MAG: variants seen among roughly 807,000 people sequenced by gnomAD.
MAG encodes myelin-associated glycoprotein.
MAG carries 30 observed loss-of-function variants against 60.7 expected under a neutral mutation model. The observed-to-expected ratio is 0.49, with a 90% CI of 0.37 to 0.67. The LOEUF (loss-of-function observed/expected upper bound fraction) is 0.67. Ranked by LOEUF, MAG falls within the 30% of genes least tolerant of loss-of-function variation. The probability of loss-of-function intolerance (pLI) is 0.00; values close to 1 mark genes in which losing one functional copy is unlikely to be tolerated. For missense variants in MAG, 795 were observed against 851.7 expected (o/e 0.93, Z 0.83); for synonymous variants, 384 against 376.8 (o/e 1.02, Z -0.22).
chr19:35,310,630 C>G lies in MAG; in HGVS notation c.1603C>G (p.Gln535Glu), dbSNP rs776901974. ...ILIAIVCYITQTRRKKNVTES... is the reference protein window; with the variant it reads ...ILIAIVCYITETRRKKNVTES... ...GATTGCCATCGTCTGCTACATTACC[C>G]AGACACGCAGGAAGTGAGTGCCAGC... The change falls in exon 9 of 11, where the codon CAG (glutamine) becomes GAG (glutamate). Residue 535 changes from glutamine to glutamate, a missense_variant. Physicochemically the swap from Gln to Glu is conservative, Grantham distance 29. Transcript: ENST00000392213. 5.6e-6 allele frequency: 9 copies of G among 1,613,936 alleles called. No homozygotes were observed. The Admixed American group carries it at 1.5e-4, about 27-fold the overall frequency.
chr19:35,295,774 C>A lies in MAG; in HGVS notation c.208C>A (p.Pro70Thr). Reference protein sequence around the residue: ...YFNSPYPKNYPPVVFKSRTQV... With the variant: ...YFNSPYPKNYTPVVFKSRTQV... ...CAATAGCCCCTACCCCAAGAACTAC[C>A]CCCCGGTGGTCTTCAAGTCGCGCAC... Residue 70 changes from proline (P) to threonine (T), a missense_variant, in exon 4 of 11, where the codon CCC becomes ACC. Physicochemically the swap from Pro to Thr is conservative, Grantham distance 38. Coordinates refer to ENST00000392213, the MANE Select transcript of MAG (RefSeq NM_002361.4). This position sits in a 1 kb window ranked among gnomAD's most constrained non-coding sequence, Gnocchi z 5.8. The A allele has an allele frequency of 6.2e-7, 1 of 1,613,960 alleles. No homozygotes were observed. Among genetic ancestry groups the A allele is most frequent in the Non-Finnish European group, 8.5e-7 (1 of 1,180,010 alleles).
intron 8 of MAG, among the ~76,000 whole-genome samples, 191 bp from the exon 9 acceptor site, chr19:35,310,356 G>A (rs1207225513): frequency 6.6e-6 from 1 of 152,222 alleles, no homozygotes; most frequent in African/African-American, 2.4e-5. Context: ...TGAGGCATGA[G>A]CCCCTCCCCA....
chr19:35,295,841 T>TG lies in MAG; in HGVS notation c.280dup (p.Asp94GlyfsTer78), dbSNP rs1055024923. 1.2e-6 allele frequency: 2 copies of TG among 1,613,876 alleles called. No homozygotes were observed. The highest frequency in any genetic ancestry group is 1.3e-5 in the African/African-American group (1 of 74,920). Reference sequence around the variant, plus strand: ...AGCTTCCAGGGCCGCAGCCGCCTCCTGGGGGACCTGGGCCTGCGAAACTGC... The same window carrying TG: ...AGCTTCCAGGGCCGCAGCCGCCTCCTGGGGGGACCTGGGCCTGCGAAACTGC... On this transcript the variant is annotated frameshift_variant, in exon 4 of 11. Coordinates refer to ENST00000392213, the MANE Select transcript of MAG (RefSeq NM_002361.4). LOFTEE classifies it high-confidence loss of function. This position sits in a 1 kb window ranked among gnomAD's most constrained non-coding sequence, Gnocchi z 5.8.
At chr19:35,299,897 G>A (rs2066434175) in intron 5 of MAG, 47 bp downstream of exon 5, 3 of 433,698 alleles carry the variant, frequency 6.9e-6, no homozygotes, top group Non-Finnish European at 1.1e-5. Flanking sequence ...GTGGGGCGGG[G>A]TCCGGGGAGG....
In MAG at chr19:35,295,744, T is replaced by C. The variant is rs1335278400; in HGVS notation, c.178T>C (p.Tyr60His). The C allele has an allele frequency of 6.2e-7, 1 of 1,613,910 alleles. No homozygotes were observed. The change falls in exon 4 of 11, where the codon TAC becomes CAC. Residue 60 changes from tyrosine to histidine, a missense_variant. Tyr to His is a moderately conservative substitution (Grantham distance 83). Transcript: ENST00000392213. The surrounding 1 kb of genome is among the most constrained non-coding windows in gnomAD (Gnocchi z 5.8). The stretch of plus-strand genomic sequence containing the variant: ...GCCCGCTGTGGTGCATGGTGTCTGG[T>C]ACTTCAATAGCCCCTACCCCAAGAA... ...LRPAVVHGVW[Y>H]FNSPYPKNYP...
At position 35,310,028 on chromosome 19, in the gene MAG, C is replaced by T. The variant is rs771734480; in HGVS notation, c.1386C>T (p.Tyr462=). 29 of 1,613,826 alleles carry T rather than the reference C, an allele frequency of 1.8e-5. No individual in the cohort carries two copies. The East Asian group carries it at 2.2e-4, about 12-fold the overall frequency. ...TVNESEREFV[Y]SERSGLVLTS... The stretch of plus-strand genomic sequence containing the variant: ...ACGAGAGCGAGCGGGAGTTCGTGTA[C>T]TCGGAGCGCAGCGGCCTCGTGCTCA... Residue 462 remains tyrosine (Y), a synonymous_variant, in exon 8 of 11, where the codon TAC becomes TAT. Transcript: ENST00000392213.
rs746011683 is a variant in MAG at position 35,299,747 on chromosome 19, C to G, written c.609C>G (p.His203Gln). 11 of 1,558,598 alleles carry G rather than the reference C, an allele frequency of 7.1e-6. No homozygotes were observed. Among genetic ancestry groups the G allele is most frequent in the Non-Finnish European group, 9.5e-6 (11 of 1,154,302 alleles). The change falls in exon 5 of 11, where the codon CAC (histidine) becomes CAG (glutamine). Residue 203 changes from histidine to glutamine, a missense_variant. His to Gln is a conservative substitution (Grantham distance 24). Coordinates refer to ENST00000392213, the MANE Select transcript of MAG (RefSeq NM_002361.4). Reference protein sequence around the residue: ...EGTWVQVSLLHFVPTREANGH... With the variant: ...EGTWVQVSLLQFVPTREANGH... ...CCTGGGTGCAGGTGTCACTGCTGCA[C>G]TTCGTGCCCACGAGGGAGGCCAACG...
At chr19:35,305,253 C>A (rs1326537362) in intron 7 of MAG, among the ~76,000 whole-genome samples, 1 of 152,142 alleles carries the variant, frequency 6.6e-6, no homozygotes, top group East Asian at 1.9e-4. Context: ...GTCAATGTTC[C>A]CTGGCACCAG....
chr19:35,300,031 G>T, intron 5 of MAG, 116 bp from the exon 6 acceptor site: 2 of 1,379,834 alleles, frequency 1.4e-6, no homozygotes, highest in East Asian at 2.6e-5. Context: ...GTCCTGGGGC[G>T]GGGCCAAGGC....
At chr19:35,300,467 C>T (rs955057710) in intron 6 of MAG, 63 bp downstream of exon 6, 20 of 1,501,844 alleles carry the variant, frequency 1.3e-5, no homozygotes, top group Admixed American at 6.1e-5. Context: ...GGGAAAGGGG[C>T]CTCATCCAGG....
intron 4 of MAG, among the ~76,000 whole-genome samples, chr19:35,296,201 G>T (rs897154963): frequency 6.6e-6 from 1 of 152,238 alleles, no homozygotes; most frequent in Non-Finnish European, 1.5e-5. Flanking sequence ...CCCTCAGGGG[G>T]AAACAGGTGC....
At chr19:35,305,954 G>C (rs8106733) in intron 7 of MAG, among the ~76,000 whole-genome samples, 9,887 of 39,864 alleles carry the variant, frequency 0.25, 531 homozygotes, top group African/African-American at 0.41. Flanking sequence ...GACTGTCCCA[G>C]CCCCCCACTC....
Position 35,295,783 on chromosome 19 carries a change from G to A in MAG, c.217G>A (p.Val73Ile). ...CTACCCCAAGAACTACCCCCCGGTG[G>A]TCTTCAAGTCGCGCACCCAAGTAGT... Reference protein sequence around the residue: ...SPYPKNYPPVVFKSRTQVVHE... With the variant: ...SPYPKNYPPVIFKSRTQVVHE... The change falls in exon 4 of 11, where the codon GTC (valine) becomes ATC (isoleucine). Residue 73 changes from valine to isoleucine, a missense_variant. Physicochemically the swap from Val to Ile is conservative, Grantham distance 29. Coordinates refer to ENST00000392213, the MANE Select transcript of MAG (RefSeq NM_002361.4). This position sits in a 1 kb window ranked among gnomAD's most constrained non-coding sequence, Gnocchi z 5.8. 6.2e-7 allele frequency: 1 copy of A among 1,614,006 alleles called. No homozygotes were observed. Among genetic ancestry groups the A allele is most frequent in the Middle Eastern group, 1.6e-4 (1 of 6,062 alleles).
chr19:35,312,153 T>C (rs2066532838), intron 10 of MAG, 136 bp downstream of exon 10: 1 of 1,247,914 alleles, frequency 8.0e-7, no homozygotes, highest in Non-Finnish European at 1.2e-6. Flanking sequence ...ATTCCAGGGC[T>C]GGGTTGGACC....
intron 7 of MAG, among the ~76,000 whole-genome samples, chr19:35,304,164 G>C (rs568525976): frequency 7.4e-4 from 113 of 152,286 alleles, no homozygotes; most frequent in Middle Eastern, 6.8e-3. Flanking sequence ...TCCCTCTCCT[G>C]CTGACCTATA....
intron 2 of MAG, among the ~76,000 whole-genome samples, chr19:35,294,657 T>C (rs2066382580): frequency 6.6e-6 from 1 of 152,138 alleles, no homozygotes; most frequent in Non-Finnish European, 1.5e-5. Context: ...GGCTCATGCC[T>C]GTAATCCCAA....
chr19:35,293,362 G>A lies in MAG; in HGVS notation c.-79-873G>A, dbSNP rs938573760. On this transcript the variant is annotated intron_variant, in intron 1 of 10. Transcript: ENST00000392213. This position sits in a 1 kb window ranked among gnomAD's most constrained non-coding sequence, Gnocchi z 4.0. ...ACAGCAGCAGAGGCATTGCATGCAC[G>A]CCTTGGGAACTATGTGAGTGCCAGC... Among the ~76,000 whole-genome samples, 8 of 151,972 alleles carry A rather than the reference G, an allele frequency of 5.3e-5. No homozygotes were observed. The highest frequency in any genetic ancestry group is 1.4e-4 in the African/African-American group (6 of 41,432).
In MAG at chr19:35,295,891, C is replaced by A. The variant is rs746889149; in HGVS notation, c.325C>A (p.Pro109Thr). Residue 109 changes from proline to threonine, a missense_variant, in exon 4 of 11, where the codon CCC becomes ACC. Coordinates refer to ENST00000392213, the MANE Select transcript of MAG (RefSeq NM_002361.4). The surrounding 1 kb of genome is among the most constrained non-coding windows in gnomAD (Gnocchi z 5.8). ...NCTLLLSNVS[P>T]ELGGKYYFRG... ...CACCCTCCTGCTCAGCAACGTCAGCCCCGAGCTGGGCGGGAAGTACTACTT... is the reference window on the plus strand; with the variant it reads ...CACCCTCCTGCTCAGCAACGTCAGCACCGAGCTGGGCGGGAAGTACTACTT... The A allele has an allele frequency of 1.1e-5, 18 of 1,613,992 alleles. No homozygotes were observed. In the African/African-American group the frequency reaches 1.6e-4, roughly 14 times the overall value.
At chr19:35,302,912 CTTTTTTTTTTT>C (rs869126086) in intron 7 of MAG, among the ~76,000 whole-genome samples, 1 of 99,828 alleles carries the variant, frequency 1.0e-5, no homozygotes, top group East Asian at 2.9e-4. Flanking sequence ...CGGGAGTGGG[CTTTTTTTTTTT>C]TTTTTTTTTT....
Sources: gnomAD v4.1 joint callset for allele counts (sites outside exome capture counted in the v4.1 genomes callset) on GRCh38, gnomAD v4.1.1 for gene constraint, Gnocchi (gnomAD v3.1) non-coding constraint, MANE v1.5 for transcripts, NCBI Gene and HGNC (gene_info 2026-07-23, HGNC 2026-07-21) for gene names.